Variants in PKP4 observed in about 807,000 individuals in gnomAD.
The protein encoded by PKP4 is plakophilin-4.
Under a neutral mutation model 145.1 loss-of-function variants are expected in PKP4, and 90 were observed. That is an observed-to-expected ratio of 0.62 (90% CI 0.52 to 0.74). The LOEUF (loss-of-function observed/expected upper bound fraction) is 0.74, where lower values mean the gene tolerates loss of function less well. PKP4 is among the 30% of genes least tolerant of loss of function. The probability of loss-of-function intolerance (pLI) is 0.00; values close to 1 mark genes in which losing one functional copy is unlikely to be tolerated. For synonymous variants in PKP4, 563 were observed against 577.2 expected (o/e 0.98, Z 0.35); for missense variants, 1,340 against 1,482.7 (o/e 0.90, Z 1.58).
At chr2:158,465,917 C>G (rs1315158150) in intron 1 of PKP4, among the ~76,000 whole-genome samples, 1 of 152,188 alleles carries the variant, frequency 6.6e-6, no homozygotes, top group Non-Finnish European at 1.5e-5. Context: ...TTCAGACTGT[C>G]AACAGATGAA....
chr2:158,534,293 C>T (rs1018793925), intron 2 of PKP4, among the ~76,000 whole-genome samples: 1 of 152,176 alleles, frequency 6.6e-6, no homozygotes, highest in Non-Finnish European at 1.5e-5. Flanking sequence ...TGAAAGATTG[C>T]TCTATAACCG....
chr2:158,507,628 T>A (rs947611414), intron 1 of PKP4, among the ~76,000 whole-genome samples: 2 of 152,210 alleles, frequency 1.3e-5, no homozygotes, highest in African/African-American at 4.8e-5. Flanking sequence ...TTTGTTTTTT[T>A]AAATTTAAAA....
At chr2:158,621,992 G>T (rs1394353932) in intron 6 of PKP4, among the ~76,000 whole-genome samples, 1 of 152,188 alleles carries the variant, frequency 6.6e-6, no homozygotes, top group Non-Finnish European at 1.5e-5. Context: ...AGTTTGGCAT[G>T]AGGAGAAGAG....
rs553563808 is a variant in PKP4 at position 158,518,433 on chromosome 2, C to T, written c.-5-14747C>T. On this transcript the variant is annotated intron_variant, in intron 1 of 21. Coordinates refer to ENST00000389759, the MANE Select transcript of PKP4 (RefSeq NM_003628.6). ...GGTGGGGCAGTAGATGCTCCCTCCT[C>T]CTGCAATTTTGAGAGCAGCAAAATT... is the stretch of plus-strand genomic sequence containing the variant. Among the ~76,000 whole-genome samples, 24 of 152,216 alleles carry T rather than the reference C, an allele frequency of 1.6e-4. No homozygotes were observed. In the South Asian group the frequency reaches 5.0e-3, roughly 32 times the overall value.
intron 1 of PKP4, among the ~76,000 whole-genome samples, chr2:158,529,541 T>C (rs767773761): frequency 6.6e-6 from 1 of 152,214 alleles, no homozygotes; most frequent in Non-Finnish European, 1.5e-5. Flanking sequence ...CCTGTTAATG[T>C]GCTGCCCTTA....
intron 1 of PKP4, among the ~76,000 whole-genome samples, chr2:158,473,536 C>A (rs1190025811): frequency 6.6e-6 from 1 of 152,110 alleles, no homozygotes; most frequent in Non-Finnish European, 1.5e-5. Flanking sequence ...AGGCTATTAT[C>A]CTCAGGAAAC....
chr2:158,657,573 A>G (rs1475468465), intron 11 of PKP4, among the ~76,000 whole-genome samples: 1 of 152,244 alleles, frequency 6.6e-6, no homozygotes, highest in Non-Finnish European at 1.5e-5. Context: ...TATAACAAAC[A>G]TCCATGCCAG....
intron 17 of PKP4, among the ~76,000 whole-genome samples, chr2:158,672,068 C>A (rs2057610470): frequency 6.6e-6 from 1 of 152,124 alleles, no homozygotes; most frequent in South Asian, 2.1e-4. Context: ...GAGGCCCACC[C>A]CAGCGTGGTG....
At position 158,593,551 on chromosome 2, in the gene PKP4, A is replaced by G. The variant is rs535210657; in HGVS notation, c.246-9519A>G. ...ACTCTTTTATTCATAGATTCAAGGC[A>G]CTAACATAAAATGCTTTTGTCAAAG... On this transcript the variant is annotated intron_variant, in intron 3 of 21. Coordinates refer to ENST00000389759, the MANE Select transcript of PKP4 (RefSeq NM_003628.6). 4.5e-4 allele frequency among the ~76,000 whole-genome samples: 69 copies of G among 152,232 alleles called. 1 individual carries two copies. The highest frequency in any genetic ancestry group is 1.6e-3 in the African/African-American group (67 of 41,538).
chr2:158,465,177 T>C (rs1039940760), intron 1 of PKP4, among the ~76,000 whole-genome samples: 2 of 152,226 alleles, frequency 1.3e-5, no homozygotes, highest in African/African-American at 4.8e-5. Flanking sequence ...GAAATGTTGG[T>C]ATATAAATAA....
At chr2:158,629,771 C>T (rs1018605964) in intron 7 of PKP4, among the ~76,000 whole-genome samples, 4 of 151,964 alleles carry the variant, frequency 2.6e-5, no homozygotes, top group African/African-American at 7.3e-5. Context: ...CGTGCAGTGG[C>T]GCGATCTCGG....
chr2:158,576,922 T>C (rs2047906333), intron 2 of PKP4, among the ~76,000 whole-genome samples: 1 of 152,224 alleles, frequency 6.6e-6, no homozygotes, highest in South Asian at 2.1e-4. Context: ...TTGTTTGCTG[T>C]GTCTCTGATG....
Position 158,631,733 on chromosome 2 carries a change from T to G in PKP4, c.1154-20T>G. 6.2e-7 allele frequency: 1 copy of G among 1,602,906 alleles called. No individual in the cohort carries two copies. ...CTGTGATTGTCTCAGTTCTTAACGATGTAATTTTTGTGCCTCTAGGCTTAC... is the reference window on the plus strand; with the variant it reads ...CTGTGATTGTCTCAGTTCTTAACGAGGTAATTTTTGTGCCTCTAGGCTTAC... On this transcript the variant is annotated intron_variant, in intron 7 of 21. Coordinates refer to ENST00000389759, the MANE Select transcript of PKP4 (RefSeq NM_003628.6).
intron 16 of PKP4, 36 bp downstream of exon 16, chr2:158,666,599 G>A: frequency 6.5e-7 from 1 of 1,542,648 alleles, no homozygotes; most frequent in East Asian, 2.4e-5. Context: ...GTAAATGTGA[G>A]AGCAGCTACA....
rs576730344 is a variant in PKP4, at chr2:158,474,108, C to CT, written c.-6+16893dup. 4.8e-3 allele frequency among the ~76,000 whole-genome samples: 730 copies of CT among 152,230 alleles called. 1 individual carries two copies. The highest frequency in any genetic ancestry group is 0.016 in the African/African-American group (667 of 41,552). On this transcript the variant is annotated intron_variant, in intron 1 of 21. Transcript: ENST00000389759. Reference sequence around the variant, plus strand: ...GATGACCAGAACAATTGTTTTACTTCTTTCATCCTCATAGTCATTAACAAG... The same window carrying CT: ...GATGACCAGAACAATTGTTTTACTTCTTTTCATCCTCATAGTCATTAACAAG...
intron 2 of PKP4, among the ~76,000 whole-genome samples, chr2:158,561,406 C>A (rs1428854652): frequency 6.6e-6 from 1 of 152,210 alleles, no homozygotes; most frequent in East Asian, 1.9e-4. Flanking sequence ...TTGATCATTT[C>A]AGCAGCCAGC....
At chr2:158,477,394 C>T (rs1692652968) in intron 1 of PKP4, among the ~76,000 whole-genome samples, 1 of 152,116 alleles carries the variant, frequency 6.6e-6, no homozygotes, top group Non-Finnish European at 1.5e-5. Context: ...ATTGAAAAAA[C>T]AGGAAATGAT....
intron 2 of PKP4, among the ~76,000 whole-genome samples, chr2:158,542,247 A>G (rs764236848): frequency 4.1e-4 from 63 of 152,154 alleles, no homozygotes; most frequent in Non-Finnish European, 7.1e-4. Context: ...AAGTAATATT[A>G]TTTTTCTATA....
At chr2:158,497,899 A>G (rs1233718227) in intron 1 of PKP4, among the ~76,000 whole-genome samples, 1 of 152,232 alleles carries the variant, frequency 6.6e-6, no homozygotes, top group Non-Finnish European at 1.5e-5. Flanking sequence ...GTATACAGTC[A>G]AAATCTCCCA....
Sources: allele counts gnomAD v4.1 joint callset (sites outside exome capture counted in the v4.1 genomes callset), GRCh38; gene constraint gnomAD v4.1.1; transcripts MANE v1.5; gene names NCBI Gene and HGNC (gene_info 2026-07-23, HGNC 2026-07-21).